The following HUNK variants were observed in gnomAD, a reference collection of about 807,000 sequenced individuals.
HUNK encodes hormonally up-regulated neu tumor-associated kinase.
Under a neutral mutation model 61.0 loss-of-function variants are expected in HUNK, and 21 were observed. The ratio of observed to expected loss-of-function variants is 0.34; its 90% CI spans 0.24 to 0.50. The LOEUF (loss-of-function observed/expected upper bound fraction) is 0.50, where lower values mean the gene tolerates loss of function less well. HUNK is among the 20% of genes least tolerant of loss of function. HUNK has a pLI of 0.98. For synonymous variants in HUNK, 371 were observed against 386.1 expected (o/e 0.96, Z 0.46); for missense variants, 772 against 945.7 (o/e 0.82, Z 2.41).
intron 1 of HUNK, among the ~76,000 whole-genome samples, chr21:31,878,397 A>G (rs778766980): frequency 1.3e-5 from 2 of 152,120 alleles, no homozygotes; most frequent in Non-Finnish European, 2.9e-5. Context: ...CAGTAAAACA[A>G]TGGTCCTTTA....
At chr21:31,930,358 A>G (rs7509892) in intron 2 of HUNK, among the ~76,000 whole-genome samples, 26,920 of 152,014 alleles carry the variant, frequency 0.18, 2,443 homozygotes, top group Middle Eastern at 0.3. Context: ...TGTAATTACT[A>G]CTCAGTCCAG....
intron 1 of HUNK, among the ~76,000 whole-genome samples, chr21:31,886,998 T>C (rs2052351489): frequency 6.6e-6 from 1 of 152,114 alleles, no homozygotes; most frequent in Non-Finnish European, 1.5e-5. Flanking sequence ...TGGACAGCCT[T>C]CTAGGGGGTA....
Position 32,002,609 on chromosome 21 carries a change from G to C in HUNK, c.*3425G>C, listed in dbSNP as rs567786037. On this transcript the variant is annotated 3_prime_UTR_variant, in exon 11 of 11. Transcript: ENST00000270112. ...GGAGACTCTGAAAATGGCACACAAA[G>C]AATGGCAGTTATGAACGTGACTTCT... The C allele has an allele frequency of 6.6e-6, 1 of 152,350 alleles. No individual in the cohort carries two copies. The highest frequency in any genetic ancestry group is 1.9e-4 in the East Asian group (1 of 5,182). The allele number at this position is 152,350 out of a possible 1,614,324, so 9.4% of individuals were successfully genotyped here.
At chr21:31,976,474 T>TG (rs1195644764) in intron 7 of HUNK, among the ~76,000 whole-genome samples, 1 of 140,168 alleles carries the variant, frequency 7.1e-6, no homozygotes, top group Non-Finnish European at 1.5e-5. Context: ...TTTTTTTTTT[T>TG]TTTTTTTTTG....
chr21:31,945,878 T>A (rs1426359080), intron 3 of HUNK, among the ~76,000 whole-genome samples, 158 bp from the exon 4 acceptor site: 1 of 152,176 alleles, frequency 6.6e-6, no homozygotes, highest in African/African-American at 2.4e-5. Context: ...GACGTTATGG[T>A]TTGCAGCTGC....
At chr21:31,880,918 C>A (rs781021198) in intron 1 of HUNK, among the ~76,000 whole-genome samples, 4 of 152,246 alleles carry the variant, frequency 2.6e-5, no homozygotes, top group Admixed American at 1.3e-4. Flanking sequence ...AGCCAAAGCC[C>A]CTGCCCATGC....
Position 31,983,529 on chromosome 21 carries a change from TC to T in HUNK, c.1178del (p.Ser393LeufsTer16). The T allele has an allele frequency of 6.2e-7, 1 of 1,613,214 alleles. No individual in the cohort carries two copies. The highest frequency in any genetic ancestry group is 8.5e-7 in the Non-Finnish European group (1 of 1,179,350). On this transcript the variant is annotated frameshift_variant, in exon 8 of 11. Transcript: ENST00000270112. LOFTEE classifies it high-confidence loss of function. ...TTTTTCTTTTCTCCTCTGGTAGAAA[TC>T]TGACATCCAGGACAGCCTCTGCTAC... is the stretch of plus-strand genomic sequence containing the variant. ...KKLERYLSGK[S>X]DIQDSLCYKT...
Position 31,999,271 on chromosome 21 carries a change from C to A in HUNK, c.*87C>A. ...CTGTCAGGGTGTGAGCACTCCAAGG[C>A]CTCGCGTGGAGCATCCTTAGTCCCA... On this transcript the variant is annotated 3_prime_UTR_variant, in exon 11 of 11. Coordinates refer to ENST00000270112, the MANE Select transcript of HUNK (RefSeq NM_014586.2). The A allele has an allele frequency of 8.0e-7, 1 of 1,244,514 alleles. No individual in the cohort carries two copies. Among genetic ancestry groups the A allele is most frequent in the Non-Finnish European group, 1.1e-6 (1 of 886,620 alleles). 77.1% of individuals were successfully genotyped at this position (1,244,514 alleles called of 1,614,324 possible).
At position 31,946,056 on chromosome 21, in the gene HUNK, G is replaced by T; in HGVS notation, c.631G>T (p.Ala211Ser). 1 of 1,605,066 alleles carries T rather than the reference G, an allele frequency of 6.2e-7. No homozygotes were observed. The highest frequency in any genetic ancestry group is 1.1e-5 in the South Asian group (1 of 90,454). Residue 211 changes from alanine (A) to serine (S), a missense_variant, in exon 4 of 11, where the codon GCA becomes TCA. Ala to Ser is a moderately conservative substitution (Grantham distance 99). Transcript: ENST00000270112. ...KLIDFGLSNC[A>S]GILGYSDPFS... ...TGCAGACTTTGGTTTGAGCAACTGC[G>T]CAGGGATCCTGGGTTACTCGGATCC...
intron 8 of HUNK, among the ~76,000 whole-genome samples, chr21:31,984,069 A>T (rs987855546): frequency 6.6e-6 from 1 of 152,188 alleles, no homozygotes; most frequent in Non-Finnish European, 1.5e-5. Flanking sequence ...TGTGGTTATT[A>T]GAGGCTTGGA....
At chr21:31,951,117 T>C (rs539932938) in intron 4 of HUNK, among the ~76,000 whole-genome samples, 32 of 151,974 alleles carry the variant, frequency 2.1e-4, no homozygotes, top group African/African-American at 6.0e-4. Context: ...TTTTCAATGG[T>C]GGTTATTTTC....
intron 7 of HUNK, 38 bp downstream of exon 7, chr21:31,974,755 G>A (rs1257667443): frequency 2.6e-6 from 4 of 1,538,918 alleles, no homozygotes; most frequent in Admixed American, 2.1e-5. Context: ...TCTGCTGTCT[G>A]TGGAAAAAAG....
chr21:31,904,206 A>C (rs1335917650), intron 1 of HUNK, among the ~76,000 whole-genome samples: 1 of 152,068 alleles, frequency 6.6e-6, no homozygotes, highest in African/African-American at 2.4e-5. Flanking sequence ...AGATTTTGAC[A>C]TGTATTTTGC....
intron 1 of HUNK, among the ~76,000 whole-genome samples, chr21:31,905,516 A>C (rs2052499064): frequency 6.6e-6 from 1 of 152,174 alleles, no homozygotes; most frequent in African/African-American, 2.4e-5. Flanking sequence ...CGTTCTTCCC[A>C]CCATGTGCAC....
intron 1 of HUNK, among the ~76,000 whole-genome samples, chr21:31,914,638 A>T (rs2052569673): frequency 1.3e-5 from 2 of 152,072 alleles, no homozygotes; most frequent in Admixed American, 6.6e-5. Context: ...GAAGTCTGAG[A>T]TCAAGGTGCC....
chr21:31,887,003 G>C (rs375797643), intron 1 of HUNK, among the ~76,000 whole-genome samples: 7 of 152,278 alleles, frequency 4.6e-5, no homozygotes, highest in South Asian at 4.1e-4. Flanking sequence ...AGCCTTCTAG[G>C]GGGTAATGTC....
chr21:31,970,655 C>T (rs954358923), intron 6 of HUNK, among the ~76,000 whole-genome samples: 26 of 152,154 alleles, frequency 1.7e-4, no homozygotes, highest in African/African-American at 6.0e-4. Context: ...TGAGCATAAT[C>T]AATCCACTCA....
intron 1 of HUNK, among the ~76,000 whole-genome samples, chr21:31,894,614 TC>T (rs1203440519): frequency 2.0e-5 from 3 of 152,072 alleles, no homozygotes; most frequent in African/African-American, 7.2e-5. Flanking sequence ...GAAAAAGACA[TC>T]CCCTCTGGGT....
intron 2 of HUNK, among the ~76,000 whole-genome samples, chr21:31,929,502 GC>G (rs1344890642): frequency 2.0e-5 from 3 of 152,054 alleles, no homozygotes; most frequent in Non-Finnish European, 4.4e-5. Context: ...CTGATGATTT[GC>G]CTATTGTATA....
Sources: allele counts gnomAD v4.1 joint callset (sites outside exome capture counted in the v4.1 genomes callset), GRCh38; gene constraint gnomAD v4.1.1; transcripts MANE v1.5; gene names NCBI Gene and HGNC (gene_info 2026-07-23, HGNC 2026-07-21).